Variants in TENM2 observed in about 807,000 individuals in gnomAD.
The protein encoded by TENM2 is teneurin-2.
Under a neutral mutation model 245.2 loss-of-function variants are expected in TENM2, and 52 were observed. The ratio of observed to expected loss-of-function variants is 0.21; its 90% CI spans 0.17 to 0.27. The LOEUF (loss-of-function observed/expected upper bound fraction) is 0.27, where lower values mean the gene tolerates loss of function less well. Ranked by LOEUF, TENM2 falls within the 10% of genes least tolerant of loss-of-function variation. The pLI is 1.00. For synonymous variants in TENM2, 1,363 were observed against 1,438.9 expected, an observed-to-expected ratio of 0.95 and a Z score of 1.19; for missense variants, 3,046 against 3,666.8, an observed-to-expected ratio of 0.83 and a Z score of 4.37.
intron 13 of TENM2, chr5:168,165,790 A>T (rs1398177170): frequency 1.2e-5 from 1 of 84,380 alleles, no homozygotes; most frequent in African/African-American, 7.6e-5. Context: ...GGAAGTAATT[A>T]ACCACAAAGA....
intron 1 of TENM2, among the ~76,000 whole-genome samples, chr5:167,374,410 C>A (rs889421724): frequency 7.2e-5 from 11 of 152,086 alleles, no homozygotes; most frequent in African/African-American, 2.7e-4. Flanking sequence ...GGATGCATTG[C>A]TCAGAACGTA....
chr5:167,546,962 G>T (rs1274741712), intron 2 of TENM2, among the ~76,000 whole-genome samples: 2 of 152,120 alleles, frequency 1.3e-5, no homozygotes, highest in Non-Finnish European at 2.9e-5. Flanking sequence ...CAAAGTGGCA[G>T]TCCCATTGCC....
At chr5:167,460,805 C>T (rs184268357) in intron 2 of TENM2, among the ~76,000 whole-genome samples, 144 of 152,202 alleles carry the variant, frequency 9.5e-4, no homozygotes, top group Non-Finnish European at 1.5e-3. Context: ...CATTTGCCTC[C>T]GGGCTGGGCT....
chr5:167,982,327 G>A (rs1411047700), intron 4 of TENM2, among the ~76,000 whole-genome samples: 1 of 152,158 alleles, frequency 6.6e-6, no homozygotes, highest in Non-Finnish European at 1.5e-5. Context: ...AATTTCCTAT[G>A]AGGATAAGAA....
At chr5:167,802,267 G>A (rs973319034) in intron 2 of TENM2, among the ~76,000 whole-genome samples, 1 of 152,078 alleles carries the variant, frequency 6.6e-6, no homozygotes, top group Non-Finnish European at 1.5e-5. Context: ...CAGTAAGTGA[G>A]GGACGCTTCA....
At chr5:167,744,097 A>G (rs1761392536) in intron 2 of TENM2, among the ~76,000 whole-genome samples, 1 of 152,180 alleles carries the variant, frequency 6.6e-6, no homozygotes, top group African/African-American at 2.4e-5. Flanking sequence ...CCAGACACAG[A>G]ATCTGTTTAT....
In TENM2 at chr5:167,474,310, G is replaced by T. The variant is rs376626445; in HGVS notation, c.502+98837G>T. Among the ~76,000 whole-genome samples, 9 of 152,056 alleles carry T rather than the reference G, an allele frequency of 5.9e-5. No homozygotes were observed. In the East Asian group the frequency reaches 1.2e-3, roughly 20 times the overall value. ...TTTTACATTCATATTCAATATCAAC[G>T]TTTTTACCTAATATAGGTGTTCAGA... On this transcript the variant is annotated intron_variant, in intron 2 of 28. Transcript: ENST00000518659.
chr5:168,072,774 AG>A (rs1485015075), intron 7 of TENM2, among the ~76,000 whole-genome samples: 2 of 152,222 alleles, frequency 1.3e-5, no homozygotes, highest in Non-Finnish European at 2.9e-5. Context: ...GGAAATGGTA[AG>A]CACCCCATGG....
At chr5:167,215,295 G>A in the TENM2 span, among the ~76,000 whole-genome samples, 1 of 152,184 alleles carries the variant, frequency 6.6e-6, no homozygotes, top group Non-Finnish European at 1.5e-5. Flanking sequence ...AATTGGTGTG[G>A]GGCAGGATGT....
chr5:167,341,731 G>A (rs1049953086), intron 1 of TENM2, among the ~76,000 whole-genome samples: 26 of 151,516 alleles, frequency 1.7e-4, no homozygotes, highest in Non-Finnish European at 2.9e-4. Context: ...TTAACAAATC[G>A]TAATCATACA....
At chr5:167,235,127 C>T in the TENM2 span, among the ~76,000 whole-genome samples, 1 of 152,328 alleles carries the variant, frequency 6.6e-6, no homozygotes, top group Non-Finnish European at 1.5e-5. Context: ...AGGTCTCTCT[C>T]TTTGACTTGC....
the TENM2 span, among the ~76,000 whole-genome samples, chr5:167,106,119 A>G: frequency 0.018 from 2,750 of 152,228 alleles, 43 homozygotes; most frequent in Non-Finnish European, 0.026. Flanking sequence ...GATAATGCCT[A>G]TAAAGCTCTT....
intron 2 of TENM2, among the ~76,000 whole-genome samples, chr5:167,567,690 GCA>G (rs58286474): frequency 0.029 from 4,385 of 152,182 alleles, 167 homozygotes; most frequent in African/African-American, 0.086. Flanking sequence ...CGCAGCATGT[GCA>G]CACACACACA....
chr5:167,640,263 T>C (rs554469648), intron 2 of TENM2, among the ~76,000 whole-genome samples: 1 of 152,322 alleles, frequency 6.6e-6, no homozygotes, highest in Non-Finnish European at 1.5e-5. Flanking sequence ...AGTAGTCATA[T>C]ACTAGCTGTG....
rs117379048 is a variant in TENM2, at chr5:167,328,188, G to A, written c.226+43125G>A. Among the ~76,000 whole-genome samples the A allele has an allele frequency of 1.7e-3, 243 of 142,860 alleles. 8 individuals carry two copies. In the East Asian group the frequency reaches 0.042, roughly 25 times the overall value. 93.7% of individuals were successfully genotyped at this position (142,860 alleles called of 152,430 possible). On this transcript the variant is annotated intron_variant, in intron 1 of 28. Transcript: ENST00000518659. ...TGCTCATAACCCATTCCAACAGTTC[G>A]ATAGTTTCTCATATCGTTTTTTTTT...
chr5:167,422,085 C>T (rs1018225847), intron 2 of TENM2, among the ~76,000 whole-genome samples: 5 of 152,088 alleles, frequency 3.3e-5, no homozygotes, highest in African/African-American at 9.7e-5. Flanking sequence ...CCACCATTCC[C>T]GGCCGGTAGT....
At chr5:167,330,035 A>G (rs772248556) in intron 1 of TENM2, among the ~76,000 whole-genome samples, 26 of 152,128 alleles carry the variant, frequency 1.7e-4, no homozygotes, top group Non-Finnish European at 3.2e-4. Flanking sequence ...AGTTCACTGG[A>G]TTTTTAGAAA....
intron 19 of TENM2, among the ~76,000 whole-genome samples, chr5:168,207,457 A>G (rs1443870653): frequency 6.6e-6 from 1 of 152,166 alleles, no homozygotes; most frequent in Non-Finnish European, 1.5e-5. Flanking sequence ...TTCCCTCGAC[A>G]GCCGTGTGAT....
At chr5:168,025,055 C>T (rs1786479204) in intron 5 of TENM2, among the ~76,000 whole-genome samples, 1 of 152,180 alleles carries the variant, frequency 6.6e-6, no homozygotes, top group Non-Finnish European at 1.5e-5. Context: ...AAAGTAACTT[C>T]TCTATGATTT....
Sources: gnomAD v4.1 joint callset for allele counts (sites outside exome capture counted in the v4.1 genomes callset) on GRCh38, gnomAD v4.1.1 for gene constraint, MANE v1.5 for transcripts, NCBI Gene and HGNC (gene_info 2026-07-23, HGNC 2026-07-21) for gene names.